The following DLGAP2 variants were observed in gnomAD, a reference collection of about 807,000 sequenced individuals.
DLGAP2 encodes DLG associated protein 2, also known as disks large-associated protein 2.
DLGAP2 carries 26 observed loss-of-function variants against 100.3 expected under a neutral mutation model. The observed-to-expected ratio is 0.26, with a 90% CI of 0.19 to 0.36. The LOEUF is 0.36. DLGAP2 is among the 10% of genes least tolerant of loss of function. DLGAP2 has a pLI of 1.00. For synonymous variants in DLGAP2, 886 were observed against 630.1 expected, an observed-to-expected ratio of 1.41 and a Z score of -6.08; for missense variants, 1,858 against 1,453.2, an observed-to-expected ratio of 1.28 and a Z score of -4.53.
At chr8:1,280,642 C>A (rs552603342) in intron 3 of DLGAP2, among the ~76,000 whole-genome samples, 2 of 152,304 alleles carry the variant, frequency 1.3e-5, no homozygotes, top group South Asian at 4.1e-4. Flanking sequence ...AGACCCGCTG[C>A]CACCAGGGCC....
chr8:1,010,264 GCACA>G (rs145888455), intron 2 of DLGAP2, among the ~76,000 whole-genome samples: 3,441 of 147,886 alleles, frequency 0.023, 127 homozygotes, highest in African/African-American at 0.082. Context: ...GCGCACACAT[GCACA>G]CACACATTCT....
intron 2 of DLGAP2, among the ~76,000 whole-genome samples, chr8:1,209,617 G>C (rs115156924): frequency 0.032 from 4,885 of 152,262 alleles, 273 homozygotes; most frequent in African/African-American, 0.11. Context: ...TGGGGTTTTA[G>C]GGAGGTAATT....
chr8:986,203 C>T (rs1800482685), intron 2 of DLGAP2, among the ~76,000 whole-genome samples: 1 of 152,098 alleles, frequency 6.6e-6, no homozygotes, highest in Non-Finnish European at 1.5e-5. Context: ...CTTGGGATCC[C>T]AAAGAGCTTA....
At chr8:1,656,231 A>T in intron 8 of DLGAP2, among the ~76,000 whole-genome samples, 1 of 151,196 alleles carries the variant, frequency 6.6e-6, no homozygotes, top group Non-Finnish European at 1.5e-5. Flanking sequence ...AATTGCTTGA[A>T]CCCGGGAGGC....
chr8:1,413,033 CCCT>C (rs1439807438), intron 3 of DLGAP2, among the ~76,000 whole-genome samples: 1 of 152,078 alleles, frequency 6.6e-6, no homozygotes, highest in Non-Finnish European at 1.5e-5. Context: ...CTCAAGTGTC[CCCT>C]CCTCTGTGAA....
At chr8:1,525,821 A>G (rs1800774552) in intron 4 of DLGAP2, among the ~76,000 whole-genome samples, 1 of 152,088 alleles carries the variant, frequency 6.6e-6, no homozygotes, top group South Asian at 2.1e-4. Flanking sequence ...ACGGGACCTC[A>G]GCATGTCTTG....
intron 1 of DLGAP2, among the ~76,000 whole-genome samples, chr8:836,710 T>C (rs1296328245): frequency 1.3e-5 from 2 of 152,212 alleles, no homozygotes; most frequent in Admixed American, 6.5e-5. Context: ...GAGAGGGCCC[T>C]GCTGGGGCCA....
chr8:1,664,283 G>T (rs974527766), intron 8 of DLGAP2, among the ~76,000 whole-genome samples: 1 of 152,164 alleles, frequency 6.6e-6, no homozygotes, highest in African/African-American at 2.4e-5. Context: ...GTGGTGGCAT[G>T]GGTACATCTA....
intron 2 of DLGAP2, among the ~76,000 whole-genome samples, chr8:1,183,221 C>T (rs191795767): frequency 2.0e-5 from 3 of 151,940 alleles, no homozygotes; most frequent in African/African-American, 7.2e-5. Context: ...GGGGTCCTGG[C>T]GTGGAGGGGA....
intron 3 of DLGAP2, chr8:1,369,609 A>G (rs1357264123): frequency 2.0e-5 from 3 of 152,230 alleles, no homozygotes; most frequent in African/African-American, 7.2e-5. Context: ...CCATTCTGCT[A>G]CATTCCTTTA....
At chr8:896,570 T>G (rs1798146491) in intron 1 of DLGAP2, among the ~76,000 whole-genome samples, 2 of 151,866 alleles carry the variant, frequency 1.3e-5, no homozygotes, top group Admixed American at 1.3e-4. Context: ...GCTTGGAGGG[T>G]GGGGCCCTGG....
intron 1 of DLGAP2, among the ~76,000 whole-genome samples, chr8:770,872 T>A (rs888550754): frequency 6.7e-4 from 85 of 127,526 alleles, no homozygotes; most frequent in African/African-American, 2.1e-3. Context: ...AAATTATGCC[T>A]CTTTTTTTTT....
At chr8:1,328,789 C>T (rs1362167593) in intron 3 of DLGAP2, among the ~76,000 whole-genome samples, 2 of 152,142 alleles carry the variant, frequency 1.3e-5, no homozygotes, top group African/African-American at 2.4e-5. Flanking sequence ...GTCGGGATGC[C>T]GCTTACGTAT....
intron 3 of DLGAP2, among the ~76,000 whole-genome samples, chr8:1,485,025 T>C (rs772463659): frequency 9.9e-5 from 15 of 152,220 alleles, no homozygotes; most frequent in Admixed American, 5.2e-4. Flanking sequence ...AGGATGAAAA[T>C]TTTACATTAC....
chr8:1,482,975 C>T (rs1386120031), intron 3 of DLGAP2, among the ~76,000 whole-genome samples: 4 of 152,258 alleles, frequency 2.6e-5, no homozygotes, highest in African/African-American at 9.6e-5. Context: ...ATCCTCACGT[C>T]CCGTGCTCGG....
intron 6 of DLGAP2, among the ~76,000 whole-genome samples, chr8:1,614,478 C>T (rs977198969): frequency 1.1e-4 from 17 of 152,236 alleles, no homozygotes; most frequent in South Asian, 2.1e-4. Context: ...GCCGCAGCTG[C>T]CATTGACGGC....
At chr8:1,155,434 C>G (rs907897640) in intron 2 of DLGAP2, among the ~76,000 whole-genome samples, 1 of 152,168 alleles carries the variant, frequency 6.6e-6, no homozygotes, top group Admixed American at 6.5e-5. Flanking sequence ...GCGGGCGCAC[C>G]GGCTTCCCTG....
intron 11 of DLGAP2, 40 bp from the exon 12 acceptor site, chr8:1,678,174 C>T (rs1419401372): frequency 6.4e-7 from 1 of 1,568,442 alleles, no homozygotes; most frequent in South Asian, 1.2e-5. Context: ...GAAGTCCTCT[C>T]AGAAGGGCTA....
At chr8:1,385,493 A>G (rs55925463) in intron 3 of DLGAP2, among the ~76,000 whole-genome samples, 2 of 11,000 alleles carry the variant, frequency 1.8e-4, no homozygotes, top group East Asian at 0.012. Flanking sequence ...TTGGTGCACA[A>G]TTACCCGGCC....
Sources: gnomAD v4.1 joint callset for allele counts (sites outside exome capture counted in the v4.1 genomes callset) on GRCh38, gnomAD v4.1.1 for gene constraint, MANE v1.5 for transcripts, NCBI Gene and HGNC (gene_info 2026-07-23, HGNC 2026-07-21) for gene names.